The following GALNTL6 variants were observed in gnomAD, a reference collection of about 807,000 sequenced individuals.
GALNTL6 encodes the protein polypeptide N-acetylgalactosaminyltransferase like 6.
Under a neutral mutation model 73.7 loss-of-function variants are expected in GALNTL6, and 46 were observed. That is an observed-to-expected ratio of 0.62 (90% CI 0.49 to 0.80). GALNTL6 has a LOEUF of 0.80. Ranked by LOEUF, GALNTL6 falls within the 30% of genes least tolerant of loss-of-function variation. The pLI is 0.00. For synonymous variants in GALNTL6, 259 were observed against 263.7 expected (o/e 0.98, Z 0.17); for missense variants, 604 against 755.0 (o/e 0.80, Z 2.34).
rs905919461 is a variant in GALNTL6, at chr4:171,941,357, A to G, written c.138+126639A>G. Among the ~76,000 whole-genome samples the G allele has an allele frequency of 2.6e-5, 4 of 152,234 alleles. No homozygotes were observed. The South Asian group carries it at 8.3e-4, about 32-fold the overall frequency. On this transcript the variant is annotated intron_variant, in intron 2 of 12. Coordinates refer to ENST00000506823, the MANE Select transcript of GALNTL6 (RefSeq NM_001034845.3). Reference sequence around the variant, plus strand: ...TTAGCCTATGCAATACTAGGAAACCATTAACCTTGCAATATTGCCAGTTCT... The same window carrying G: ...TTAGCCTATGCAATACTAGGAAACCGTTAACCTTGCAATATTGCCAGTTCT...
intron 5 of GALNTL6, among the ~76,000 whole-genome samples, chr4:172,718,631 C>T (rs1367715187): frequency 3.3e-5 from 5 of 151,376 alleles, no homozygotes; most frequent in African/African-American, 9.7e-5. Context: ...GGGCAAGACC[C>T]CATCTCAAAA....
intron 5 of GALNTL6, among the ~76,000 whole-genome samples, chr4:172,736,917 G>C (rs955644443): frequency 6.6e-6 from 1 of 152,146 alleles, no homozygotes; most frequent in African/African-American, 2.4e-5. Flanking sequence ...CCCTGCACAT[G>C]CTCTCTTTCT....
At chr4:172,706,646 C>T (rs914731882) in intron 5 of GALNTL6, among the ~76,000 whole-genome samples, 3 of 152,152 alleles carry the variant, frequency 2.0e-5, no homozygotes, top group African/African-American at 4.8e-5. Flanking sequence ...ACCACTGCCT[C>T]CTTTCTGGCA....
chr4:172,827,765 C>A (rs1742344072), intron 7 of GALNTL6, among the ~76,000 whole-genome samples: 1 of 151,862 alleles, frequency 6.6e-6, no homozygotes, highest in Admixed American at 6.6e-5. Flanking sequence ...GCAAAAGAAG[C>A]CTGAGCTTCC....
chr4:171,832,824 G>A (rs1446711932), intron 2 of GALNTL6, among the ~76,000 whole-genome samples: 1 of 151,662 alleles, frequency 6.6e-6, no homozygotes, highest in Non-Finnish European at 1.5e-5. Context: ...ACACTAGCTG[G>A]TGGTAAGCAT....
intron 2 of GALNTL6, among the ~76,000 whole-genome samples, chr4:172,029,348 A>C (rs539289766): frequency 6.6e-6 from 1 of 152,078 alleles, no homozygotes; most frequent in Admixed American, 6.6e-5. Context: ...TAATTTTTAT[A>C]ATATACTAGG....
intron 2 of GALNTL6, among the ~76,000 whole-genome samples, chr4:172,112,320 CA>C (rs1331471402): frequency 1.3e-5 from 2 of 151,980 alleles, no homozygotes; most frequent in Non-Finnish European, 2.9e-5. Context: ...TGGTTGCTTT[CA>C]ATTTTGGCAA....
At chr4:172,286,862 G>T (rs901051526) in intron 3 of GALNTL6, among the ~76,000 whole-genome samples, 6 of 152,200 alleles carry the variant, frequency 3.9e-5, no homozygotes, top group Admixed American at 2.0e-4. Flanking sequence ...GGTATGTTCA[G>T]TAAGGTTTTT....
chr4:171,818,904 A>G (rs1166501971), intron 2 of GALNTL6, among the ~76,000 whole-genome samples: 1 of 152,088 alleles, frequency 6.6e-6, no homozygotes, highest in South Asian at 2.1e-4. Context: ...TTGAACAACA[A>G]TATTTTTTCC....
At chr4:171,922,911 TTTA>T (rs1234392443) in intron 2 of GALNTL6, among the ~76,000 whole-genome samples, 3 of 152,138 alleles carry the variant, frequency 2.0e-5, no homozygotes, top group African/African-American at 7.2e-5. Flanking sequence ...CATTCAATGT[TTTA>T]TTATTGTTTA....
At chr4:172,639,278 G>A (rs990389611) in intron 5 of GALNTL6, among the ~76,000 whole-genome samples, 1 of 151,994 alleles carries the variant, frequency 6.6e-6, no homozygotes, top group Non-Finnish European at 1.5e-5. Flanking sequence ...ACCCTACTGG[G>A]ACCTCCATTC....
chr4:172,191,488 C>G (rs1220264587), intron 2 of GALNTL6, among the ~76,000 whole-genome samples: 1 of 152,126 alleles, frequency 6.6e-6, no homozygotes, highest in African/African-American at 2.4e-5. Flanking sequence ...TGTCATAAAG[C>G]CCAAACCCCT....
At chr4:172,195,424 A>G (rs781363503) in intron 2 of GALNTL6, among the ~76,000 whole-genome samples, 2 of 152,184 alleles carry the variant, frequency 1.3e-5, no homozygotes, top group Non-Finnish European at 2.9e-5. Context: ...TCAGCTCTGG[A>G]TCAAATAGAC....
chr4:172,030,877 T>C (rs912577305), intron 2 of GALNTL6, among the ~76,000 whole-genome samples: 1 of 152,000 alleles, frequency 6.6e-6, no homozygotes, highest in Admixed American at 6.6e-5. Flanking sequence ...CTGGAAATAG[T>C]TTACTATAGC....
intron 5 of GALNTL6, among the ~76,000 whole-genome samples, chr4:172,800,689 A>G (rs1272426245): frequency 6.6e-6 from 1 of 152,196 alleles, no homozygotes; most frequent in African/African-American, 2.4e-5. Context: ...ATTAAAAATC[A>G]GAGACATTTC....
chr4:172,467,859 T>C (rs200838505), intron 5 of GALNTL6, among the ~76,000 whole-genome samples: 21 of 107,460 alleles, frequency 2.0e-4, no homozygotes, highest in South Asian at 6.8e-4. Context: ...TCTTTCTTTC[T>C]TTCTTTCCTT....
intron 5 of GALNTL6, among the ~76,000 whole-genome samples, chr4:172,437,449 G>C (rs1731674374): frequency 6.6e-6 from 1 of 151,920 alleles, no homozygotes; most frequent in Non-Finnish European, 1.5e-5. Flanking sequence ...GACCAAACTA[G>C]AGAGAAATTT....
chr4:172,603,847 C>T (rs1258867846), intron 5 of GALNTL6, among the ~76,000 whole-genome samples: 2 of 152,114 alleles, frequency 1.3e-5, no homozygotes, highest in Non-Finnish European at 2.9e-5. Context: ...CTTAGATTGC[C>T]TATGAGAACA....
At chr4:171,898,877 C>G (rs892190136) in intron 2 of GALNTL6, among the ~76,000 whole-genome samples, 10 of 151,712 alleles carry the variant, frequency 6.6e-5, no homozygotes, top group African/African-American at 2.2e-4. Context: ...TCAAAATAAA[C>G]TATGGGGAAC....
Sources: allele counts gnomAD v4.1 joint callset (sites outside exome capture counted in the v4.1 genomes callset), GRCh38; gene constraint gnomAD v4.1.1; transcripts MANE v1.5; gene names NCBI Gene and HGNC (gene_info 2026-07-23, HGNC 2026-07-21).